GRIN3A: variants seen among roughly 807,000 people sequenced by gnomAD.
GRIN3A encodes glutamate ionotropic receptor NMDA type subunit 3A.
In GRIN3A, 47 loss-of-function variants were observed where a neutral mutation model predicts 92.4. The observed-to-expected ratio is 0.51, with a 90% CI of 0.40 to 0.65. GRIN3A has a LOEUF of 0.65. Among genes scored for constraint, GRIN3A ranks in the 30% least tolerant of loss-of-function variants. The pLI, the probability that GRIN3A is intolerant of heterozygous loss-of-function variation, is 0.00. For synonymous variants in GRIN3A, 527 were observed against 540.6 expected (o/e 0.97, Z 0.35); for missense variants, 1,324 against 1,393.1 (o/e 0.95, Z 0.79).
At chr9:101,730,655 T>C (rs534915146) in intron 1 of GRIN3A, among the ~76,000 whole-genome samples, 1 of 152,222 alleles carries the variant, frequency 6.6e-6, no homozygotes, top group East Asian at 1.9e-4. Flanking sequence ...ATTTACATTA[T>C]AATGGTAATA....
intron 6 of GRIN3A, among the ~76,000 whole-genome samples, chr9:101,588,895 GTTGT>G (rs1416752427): frequency 2.0e-5 from 3 of 151,836 alleles, no homozygotes; most frequent in South Asian, 4.2e-4. Flanking sequence ...CCAAACTGTG[GTTGT>G]TTAATTTTTT....
rs1314124060 is a variant in GRIN3A at position 101,621,919 on chromosome 9, G to T, written c.2614+1399C>A. On this transcript the variant is annotated intron_variant, in intron 5 of 8. Coordinates refer to ENST00000361820, the MANE Select transcript of GRIN3A (RefSeq NM_133445.3). ...AACATCCCCAGATGCCACAAAAAAG[G>T]AGAAATTTTTCATTGTTACATTAAA... 2.6e-5 allele frequency among the ~76,000 whole-genome samples: 4 copies of T among 152,314 alleles called. No homozygotes were observed. The East Asian group carries it at 7.7e-4, about 29-fold the overall frequency.
intron 1 of GRIN3A, among the ~76,000 whole-genome samples, chr9:101,698,715 T>C (rs1011317981): frequency 2.6e-5 from 4 of 152,188 alleles, no homozygotes; most frequent in African/African-American, 9.7e-5. Context: ...TCAGCCAGGC[T>C]GGAGTGCAGT....
intron 1 of GRIN3A, among the ~76,000 whole-genome samples, chr9:101,711,685 G>T (rs1399728856): frequency 6.6e-6 from 1 of 152,014 alleles, no homozygotes; most frequent in Non-Finnish European, 1.5e-5. Context: ...ACTTGTTAGT[G>T]GTTCTTTTCC....
chr9:101,617,364 C>T (rs1828474711), intron 5 of GRIN3A, among the ~76,000 whole-genome samples: 1 of 151,972 alleles, frequency 6.6e-6, no homozygotes, highest in Non-Finnish European at 1.5e-5. Flanking sequence ...TAACTTCATA[C>T]TTATGATAAA....
intron 3 of GRIN3A, among the ~76,000 whole-genome samples, chr9:101,668,577 A>G (rs1829272562): frequency 6.6e-6 from 1 of 152,098 alleles, no homozygotes; most frequent in Non-Finnish European, 1.5e-5. Context: ...ATCTCCCTTT[A>G]GGGTGATGCA....
At chr9:101,640,114 C>T (rs966661550) in intron 3 of GRIN3A, among the ~76,000 whole-genome samples, 3 of 152,122 alleles carry the variant, frequency 2.0e-5, no homozygotes, top group Non-Finnish European at 4.4e-5. Context: ...CCTTCTCCCC[C>T]GCCTCCTTCA....
rs111591400 is a variant in GRIN3A at position 101,576,295 on chromosome 9, G to A, written c.3008+1473C>T. ...TATTCCAAAGAGACATGACGGCTAT[G>A]GTACGCCAAACACTCATTGTGTTTG... On this transcript the variant is annotated intron_variant, in intron 8 of 8. Coordinates refer to ENST00000361820, the MANE Select transcript of GRIN3A (RefSeq NM_133445.3). Among the ~76,000 whole-genome samples the A allele has an allele frequency of 1.0e-3, 152 of 152,260 alleles. 1 individual carries two copies. Among genetic ancestry groups the A allele is most frequent in the African/African-American group, 1.7e-3 (69 of 41,558 alleles).
chr9:101,595,685 CGAG>C (rs998425712), intron 6 of GRIN3A, among the ~76,000 whole-genome samples: 1 of 152,130 alleles, frequency 6.6e-6, no homozygotes, highest in African/African-American at 2.4e-5. Context: ...AACATATTCC[CGAG>C]GAATATAAAC....
At chr9:101,649,151 G>A (rs184089734) in intron 3 of GRIN3A, among the ~76,000 whole-genome samples, 5 of 152,102 alleles carry the variant, frequency 3.3e-5, no homozygotes, top group Admixed American at 1.3e-4. Flanking sequence ...TTGTTTCACA[G>A]TCCGGTAAAG....
intron 2 of GRIN3A, among the ~76,000 whole-genome samples, chr9:101,679,316 G>T (rs1356798313): frequency 6.6e-6 from 1 of 152,050 alleles, no homozygotes; most frequent in Non-Finnish European, 1.5e-5. Context: ...TCCTTCTCGG[G>T]CACATAAAAG....
chr9:101,620,975 G>A (rs528996979), intron 5 of GRIN3A, among the ~76,000 whole-genome samples: 1 of 152,016 alleles, frequency 6.6e-6, no homozygotes, highest in African/African-American at 2.4e-5. Context: ...TAAGTTTCTT[G>A]AACTTATTAA....
chr9:101,658,111 T>C (rs1255517967), intron 3 of GRIN3A, among the ~76,000 whole-genome samples: 1 of 151,958 alleles, frequency 6.6e-6, no homozygotes. Context: ...TAATTTATCA[T>C]CAGATATTGT....
chr9:101,686,994 G>A lies in GRIN3A; in HGVS notation c.906C>T (p.Pro302=). ...GGAAGCTCAAGAGGTCCTGGGTGGAGGGGAGGTTAGCGGTGATGTTGATGA... is the reference window on the plus strand; with the variant it reads ...GGAAGCTCAAGAGGTCCTGGGTGGAAGGGAGGTTAGCGGTGATGTTGATGA... ...GSIINITANL[P]STQDLLSFLQ... Residue 302 remains proline (P), a synonymous_variant, in exon 2 of 9, where the codon CCC becomes CCT. Coordinates refer to ENST00000361820, the MANE Select transcript of GRIN3A (RefSeq NM_133445.3). The A allele has an allele frequency of 3.1e-6, 5 of 1,614,184 alleles. No homozygotes were observed. The highest frequency in any genetic ancestry group is 4.2e-6 in the Non-Finnish European group (5 of 1,180,022).
chr9:101,613,232 A>G (rs1828392160), intron 6 of GRIN3A, 144 bp downstream of exon 6: 1 of 930,840 alleles, frequency 1.1e-6, no homozygotes, highest in Non-Finnish European at 1.7e-6. Flanking sequence ...CGCTTTTTGG[A>G]CAAAGTAAAA....
At chr9:101,618,320 C>A (rs62577399) in intron 5 of GRIN3A, among the ~76,000 whole-genome samples, 1 of 151,562 alleles carries the variant, frequency 6.6e-6, no homozygotes, top group South Asian at 2.1e-4. Flanking sequence ...TAATATCCAG[C>A]ATCTACAATG....
chr9:101,634,248 G>A (rs1009948782), intron 3 of GRIN3A, among the ~76,000 whole-genome samples: 14 of 150,352 alleles, frequency 9.3e-5, no homozygotes, highest in African/African-American at 3.2e-4. Flanking sequence ...CAGGGGAATG[G>A]CGTGAACCCG....
intron 1 of GRIN3A, among the ~76,000 whole-genome samples, chr9:101,707,915 T>A (rs1353714004): frequency 6.6e-6 from 1 of 152,146 alleles, no homozygotes; most frequent in African/African-American, 2.4e-5. Flanking sequence ...AGTTGCTCAC[T>A]TCTCCCTTGA....
chr9:101,729,651 C>T (rs1001592023), intron 1 of GRIN3A, among the ~76,000 whole-genome samples: 2 of 152,110 alleles, frequency 1.3e-5, no homozygotes, highest in Admixed American at 1.3e-4. Context: ...TCCTTTTGGC[C>T]ATAAAAAATA....
Sources: allele counts gnomAD v4.1 joint callset (sites outside exome capture counted in the v4.1 genomes callset), GRCh38; gene constraint gnomAD v4.1.1; transcripts MANE v1.5; gene names NCBI Gene and HGNC (gene_info 2026-07-23, HGNC 2026-07-21).